The following NPFFR2 variants were observed in gnomAD, a reference collection of about 807,000 sequenced individuals.
NPFFR2 encodes the protein G-protein coupled receptor 74.
Under a neutral mutation model 13.1 loss-of-function variants are expected in NPFFR2, and 15 were observed. The observed-to-expected ratio is 1.15, with a 90% CI of 0.77 to 1.76. The LOEUF is 1.76. NPFFR2 is among the 40% of genes most tolerant of loss of function. The probability of loss-of-function intolerance (pLI) is 0.00; values close to 1 mark genes in which losing one functional copy is unlikely to be tolerated. For missense variants in NPFFR2, 572 were observed against 503.5 expected (o/e 1.14, Z -1.30); for synonymous variants, 190 against 175.7 (o/e 1.08, Z -0.65).
intron 1 of NPFFR2, among the ~76,000 whole-genome samples, chr4:72,070,541 TC>T (rs1327126861): frequency 9.4e-5 from 8 of 85,034 alleles, no homozygotes; most frequent in Non-Finnish European, 1.9e-4. Context: ...CATGGAAGTA[TC>T]GTGTGTGTGT....
At chr4:72,035,503 C>CT (rs200003793) in intron 1 of NPFFR2, among the ~76,000 whole-genome samples, 2 of 151,984 alleles carry the variant, frequency 1.3e-5, no homozygotes, top group Non-Finnish European at 2.9e-5. Context: ...TTTAGCCCCC[C>CT]CTAAAAAAGT....
chr4:72,037,240 A>C (rs924473334), intron 1 of NPFFR2, among the ~76,000 whole-genome samples: 3 of 151,098 alleles, frequency 2.0e-5, no homozygotes, highest in East Asian at 1.9e-4. Context: ...TAAAAAAAAA[A>C]ACAAAAAACT....
chr4:72,138,262 C>CT (rs1437752422), intron 3 of NPFFR2, 123 bp downstream of exon 3: 5 of 654,224 alleles, frequency 7.6e-6, no homozygotes, highest in East Asian at 2.7e-5. Context: ...ATATCTACCT[C>CT]TTTTTTTAAA....
intron 1 of NPFFR2, among the ~76,000 whole-genome samples, chr4:72,107,308 A>G (rs935305428): frequency 1.3e-5 from 2 of 150,816 alleles, no homozygotes; most frequent in African/African-American, 4.9e-5. Context: ...AAGGCACACT[A>G]GATTTTAGAA....
chr4:72,108,156 A>C lies in NPFFR2; in HGVS notation c.-7-20429A>C, dbSNP rs151313874. 1.8e-3 allele frequency among the ~76,000 whole-genome samples: 275 copies of C among 152,090 alleles called. 1 individual carries two copies. Among genetic ancestry groups the C allele is most frequent in the African/African-American group, 6.2e-3 (259 of 41,520 alleles). On this transcript the variant is annotated intron_variant, in intron 1 of 3. Transcript: ENST00000308744. ...CAGTGTTATATACCACAGCAGAGTG[A>C]GGGTTCAGTCTATAAAATATCTCTA...
At chr4:72,141,769 A>G (rs756586296) in intron 3 of NPFFR2, among the ~76,000 whole-genome samples, 1 of 152,174 alleles carries the variant, frequency 6.6e-6, no homozygotes, top group Non-Finnish European at 1.5e-5. Context: ...GTAGGCATCT[A>G]TTAGGTCCAC....
intron 1 of NPFFR2, among the ~76,000 whole-genome samples, chr4:72,049,496 A>G (rs1046119982): frequency 3.9e-5 from 6 of 152,122 alleles, no homozygotes; most frequent in African/African-American, 1.4e-4. Context: ...AAGCTGTAGA[A>G]AACAGACTGC....
Position 72,062,078 on chromosome 4 carries a change from A to ATT in NPFFR2, c.-8+29888_-8+29889dup, listed in dbSNP as rs11459755. ...TCTGTTTGGAACTCTTTGGTACTCA[A>ATT]TTTTTTTTTTTATTTGAGGTATTTC... On this transcript the variant is annotated intron_variant, in intron 1 of 3. Transcript: ENST00000308744. Among the ~76,000 whole-genome samples, 540 of 148,940 alleles carry ATT rather than the reference A, an allele frequency of 3.6e-3. 4 individuals are homozygous for ATT. The highest frequency in any genetic ancestry group is 0.011 in the African/African-American group (450 of 40,882).
At chr4:72,043,965 C>A (rs556785181) in intron 1 of NPFFR2, among the ~76,000 whole-genome samples, 77 of 152,194 alleles carry the variant, frequency 5.1e-4, no homozygotes, top group African/African-American at 1.7e-3. Flanking sequence ...AAAATCCCCA[C>A]GTGTAATGAA....
intron 1 of NPFFR2, among the ~76,000 whole-genome samples, chr4:72,043,608 A>G (rs1030050961): frequency 2.6e-5 from 4 of 152,218 alleles, no homozygotes; most frequent in Non-Finnish European, 5.9e-5. Context: ...TAATTGCCCT[A>G]TTGGATTTTG....
chr4:72,104,436 T>C (rs1721355776), intron 1 of NPFFR2, among the ~76,000 whole-genome samples: 1 of 152,080 alleles, frequency 6.6e-6, no homozygotes, highest in Non-Finnish European at 1.5e-5. Flanking sequence ...TAATGTATAG[T>C]GAACTTCCTG....
At position 72,147,490 on chromosome 4, in the gene NPFFR2, T is replaced by A; in HGVS notation, c.941T>A (p.Ile314Asn). ...GAACTGCAGATCATCAACATCTACA[T>A]CTACCCTTTTGCACACTGGCTGGCA... The part of the protein sequence containing the change: ...PNELQIINIY[I>N]YPFAHWLAFG... Residue 314 changes from isoleucine (I) to asparagine (N), a missense_variant, in exon 4 of 4, where the codon ATC becomes AAC. Physicochemically the swap from Ile to Asn is moderately radical, Grantham distance 149. Coordinates refer to ENST00000308744, the MANE Select transcript of NPFFR2 (RefSeq NM_004885.3). The A allele has an allele frequency of 3.1e-6, 5 of 1,614,152 alleles. No individual in the cohort carries two copies. The highest frequency in any genetic ancestry group is 4.2e-6 in the Non-Finnish European group (5 of 1,180,028).
At chr4:72,134,026 A>G (rs1722332508) in intron 2 of NPFFR2, among the ~76,000 whole-genome samples, 1 of 152,166 alleles carries the variant, frequency 6.6e-6, no homozygotes, top group Admixed American at 6.5e-5. Flanking sequence ...GCATTTTGGG[A>G]GGCCAAGGCA....
intron 1 of NPFFR2, among the ~76,000 whole-genome samples, chr4:72,092,017 A>T (rs1290903953): frequency 2.6e-5 from 4 of 152,042 alleles, no homozygotes; most frequent in African/African-American, 7.2e-5. Context: ...TATATCCCAG[A>T]TATTCTGATA....
At chr4:72,053,581 C>A (rs1719654790) in intron 1 of NPFFR2, among the ~76,000 whole-genome samples, 1 of 151,736 alleles carries the variant, frequency 6.6e-6, no homozygotes, top group Non-Finnish European at 1.5e-5. Context: ...AAAAAAATTT[C>A]TTCCAGGTTA....
chr4:72,093,619 T>G (rs532091541), intron 1 of NPFFR2, among the ~76,000 whole-genome samples: 1 of 141,736 alleles, frequency 7.1e-6, no homozygotes, highest in East Asian at 1.9e-4. Context: ...TGTTTGATTC[T>G]ATTGCTGAGA....
chr4:72,138,635 C>T (rs920782575), intron 3 of NPFFR2, among the ~76,000 whole-genome samples: 2 of 152,036 alleles, frequency 1.3e-5, no homozygotes, highest in African/African-American at 4.8e-5. Flanking sequence ...GTATATGTGC[C>T]ACAATTTTCT....
intron 1 of NPFFR2, among the ~76,000 whole-genome samples, chr4:72,077,444 C>T (rs1720481086): frequency 6.6e-6 from 1 of 152,156 alleles, no homozygotes; most frequent in African/African-American, 2.4e-5. Flanking sequence ...CATCCTCATA[C>T]ACTGACAACT....
In NPFFR2 at chr4:72,128,580, T is replaced by TTAAGG. The variant is rs759739994; in HGVS notation, c.-7-3_-6dup. ...GTTTTTCTTTTCTGTCTCTTCTTTA[T>TTAAGG]TAAGGTTCATCATGAATGAGAAATG... On this transcript the variant is annotated splice_polypyrimidine_tract_variant and splice_region_variant and intron_variant, in intron 1 of 3. Transcript: ENST00000308744. The TTAAGG allele has an allele frequency of 3.8e-6, 6 of 1,567,906 alleles. No homozygotes were observed. Among genetic ancestry groups the TTAAGG allele is most frequent in the Non-Finnish European group, 5.2e-6 (6 of 1,150,136 alleles).
Sources: gnomAD v4.1 joint callset for allele counts (sites outside exome capture counted in the v4.1 genomes callset) on GRCh38, gnomAD v4.1.1 for gene constraint, MANE v1.5 for transcripts, NCBI Gene and HGNC (gene_info 2026-07-23, HGNC 2026-07-21) for gene names.